The following HS6ST3 variants were observed in gnomAD, a reference collection of about 807,000 sequenced individuals.
HS6ST3 encodes heparan-sulfate 6-O-sulfotransferase 3.
In HS6ST3, 12 loss-of-function variants were observed where a neutral mutation model predicts 36.7. The observed-to-expected ratio is 0.33, with a 90% CI of 0.21 to 0.53. The LOEUF (loss-of-function observed/expected upper bound fraction) is 0.53. Ranked by LOEUF, HS6ST3 falls within the 20% of genes least tolerant of loss-of-function variation. The probability of loss-of-function intolerance (pLI) is 0.95; values close to 1 mark genes in which losing one functional copy is unlikely to be tolerated. For missense variants in HS6ST3, 584 were observed against 640.9 expected (o/e 0.91, Z 0.96); for synonymous variants, 240 against 257.5 (o/e 0.93, Z 0.65).
chr13:96,321,686 C>T (rs2139415214), intron 1 of HS6ST3, among the ~76,000 whole-genome samples: 1 of 152,228 alleles, frequency 6.6e-6, no homozygotes, highest in Non-Finnish European at 1.5e-5. Context: ...CCTCTCTTGC[C>T]CTTTCCCTTG....
At chr13:96,646,791 G>T (rs760518534) in intron 1 of HS6ST3, among the ~76,000 whole-genome samples, 1 of 151,988 alleles carries the variant, frequency 6.6e-6, no homozygotes, top group African/African-American at 2.4e-5. Flanking sequence ...AGACAGAGCC[G>T]TGTCTTTTGA....
intron 1 of HS6ST3, among the ~76,000 whole-genome samples, chr13:96,328,352 C>T (rs2139418859): frequency 6.6e-6 from 1 of 151,224 alleles, no homozygotes; most frequent in South Asian, 2.1e-4. Flanking sequence ...TGAAATACGT[C>T]CCATCAATAC....
chr13:96,725,156 T>G (rs1335430558), intron 1 of HS6ST3, among the ~76,000 whole-genome samples: 1 of 152,240 alleles, frequency 6.6e-6, no homozygotes, highest in Admixed American at 6.5e-5. Context: ...TATGAACTTA[T>G]TTGCTCTTCA....
At chr13:96,732,621 G>A (rs748663143) in intron 1 of HS6ST3, among the ~76,000 whole-genome samples, 4 of 151,720 alleles carry the variant, frequency 2.6e-5, no homozygotes, top group Non-Finnish European at 5.9e-5. Flanking sequence ...AAGATCAGTT[G>A]GCTATTCAGG....
chr13:96,765,594 CTCTCT>C (rs1594855014), intron 1 of HS6ST3, among the ~76,000 whole-genome samples: 1 of 58,646 alleles, frequency 1.7e-5, no homozygotes, highest in East Asian at 3.2e-4. Flanking sequence ...CTCTTTCTCT[CTCTCT>C]CTCTCTCTCT....
intron 1 of HS6ST3, among the ~76,000 whole-genome samples, chr13:96,670,309 A>G (rs1335616946): frequency 6.6e-6 from 1 of 152,146 alleles, no homozygotes; most frequent in African/African-American, 2.4e-5. Context: ...AATAGGGACA[A>G]AAGTCTGTTT....
At chr13:96,632,502 A>T in intron 1 of HS6ST3, among the ~76,000 whole-genome samples, 1 of 152,182 alleles carries the variant, frequency 6.6e-6, no homozygotes, top group Non-Finnish European at 1.5e-5. Flanking sequence ...TCTGATTATC[A>T]AAACATTGTT....
At chr13:96,810,509 G>A (rs1296246319) in intron 1 of HS6ST3, among the ~76,000 whole-genome samples, 1 of 152,186 alleles carries the variant, frequency 6.6e-6, no homozygotes, top group Non-Finnish European at 1.5e-5. Context: ...AATTCTCCAT[G>A]TTGTGTCTCA....
intron 1 of HS6ST3, among the ~76,000 whole-genome samples, chr13:96,504,695 G>C (rs2056019319): frequency 6.6e-6 from 1 of 152,020 alleles, no homozygotes; most frequent in African/African-American, 2.4e-5. Context: ...TAGTCCCAAG[G>C]GACCTGACAT....
intron 1 of HS6ST3, among the ~76,000 whole-genome samples, chr13:96,197,044 T>C (rs569172889): frequency 6.6e-6 from 1 of 152,370 alleles, no homozygotes; most frequent in Admixed American, 6.5e-5. Flanking sequence ...CACAGAGGAC[T>C]GGCTCATTGT....
intron 1 of HS6ST3, among the ~76,000 whole-genome samples, chr13:96,451,914 T>A (rs1335212171): frequency 6.6e-6 from 1 of 152,200 alleles, no homozygotes; most frequent in South Asian, 2.1e-4. Flanking sequence ...TTCATTTGTA[T>A]AAAGCTTTAT....
chr13:96,253,093 G>A (rs185815541), intron 1 of HS6ST3, among the ~76,000 whole-genome samples: 2 of 152,144 alleles, frequency 1.3e-5, no homozygotes, highest in African/African-American at 4.8e-5. Context: ...GGGTGCTAGG[G>A]TATGTGTTGG....
At chr13:96,328,415 C>G (rs1265170366) in intron 1 of HS6ST3, among the ~76,000 whole-genome samples, 3 of 151,932 alleles carry the variant, frequency 2.0e-5, no homozygotes, top group Non-Finnish European at 4.4e-5. Context: ...TGTCCAAGGC[C>G]TTTTCTGCAT....
chr13:96,177,985 G>A (rs1424115938), intron 1 of HS6ST3, among the ~76,000 whole-genome samples: 1 of 152,062 alleles, frequency 6.6e-6, no homozygotes, highest in Non-Finnish European at 1.5e-5. Flanking sequence ...TTGATTTGGG[G>A]AGGACTGTGA....
At chr13:96,717,571 T>G (rs911495628) in intron 1 of HS6ST3, among the ~76,000 whole-genome samples, 2 of 152,206 alleles carry the variant, frequency 1.3e-5, no homozygotes, top group African/African-American at 4.8e-5. Flanking sequence ...AAGAAAGAAA[T>G]AAGTAAATGA....
intron 1 of HS6ST3, among the ~76,000 whole-genome samples, chr13:96,660,065 T>C (rs1240419148): frequency 6.6e-6 from 1 of 152,136 alleles, no homozygotes; most frequent in Non-Finnish European, 1.5e-5. Flanking sequence ...TTTTATTAAG[T>C]ATACTGAATC....
At chr13:96,363,964 T>A (rs1291533093) in intron 1 of HS6ST3, among the ~76,000 whole-genome samples, 1 of 152,050 alleles carries the variant, frequency 6.6e-6, no homozygotes, top group Non-Finnish European at 1.5e-5. Flanking sequence ...AAAAGAAAAA[T>A]ACACCTTTAC....
intron 1 of HS6ST3, among the ~76,000 whole-genome samples, chr13:96,566,808 C>T (rs1047797468): frequency 6.6e-6 from 1 of 152,022 alleles, no homozygotes; most frequent in African/African-American, 2.4e-5. Flanking sequence ...AAGGGTTCAA[C>T]CACAAGCATG....
intron 1 of HS6ST3, among the ~76,000 whole-genome samples, chr13:96,581,537 A>C (rs2056342154): frequency 6.6e-6 from 1 of 152,000 alleles, no homozygotes; most frequent in Non-Finnish European, 1.5e-5. Context: ...CTACTTTTTG[A>C]GTCCGTTTTT....
Sources: allele counts gnomAD v4.1 joint callset (sites outside exome capture counted in the v4.1 genomes callset), GRCh38; gene constraint gnomAD v4.1.1; transcripts MANE v1.5; gene names NCBI Gene and HGNC (gene_info 2026-07-23, HGNC 2026-07-21).